The following EHHADH variants were observed in gnomAD, a reference collection of about 807,000 sequenced individuals.
The protein encoded by EHHADH is enoyl-CoA hydratase and 3-hydroxyacyl CoA dehydrogenase.
EHHADH carries 48 observed loss-of-function variants against 64.4 expected under a neutral mutation model. The ratio of observed to expected loss-of-function variants is 0.75; its 90% CI spans 0.59 to 0.95. The LOEUF (loss-of-function observed/expected upper bound fraction) is 0.95, where lower values mean the gene tolerates loss of function less well. Ranked by LOEUF, EHHADH falls within the 40% of genes least tolerant of loss-of-function variation. The pLI is 0.00. For synonymous variants in EHHADH, 308 were observed against 326.7 expected (o/e 0.94, Z 0.62); for missense variants, 854 against 876.6 (o/e 0.97, Z 0.33).
At chr3:185,252,002 A>G (rs905475820) in intron 1 of EHHADH, among the ~76,000 whole-genome samples, 1 of 152,178 alleles carries the variant, frequency 6.6e-6, no homozygotes, top group African/African-American at 2.4e-5. Flanking sequence ...AAACTTCACA[A>G]CTTTATGAGG....
rs73050896 is a variant in EHHADH at position 185,216,205 on chromosome 3, T to C, written c.568+1931A>G. Among the ~76,000 whole-genome samples, 463 of 152,310 alleles carry C rather than the reference T, an allele frequency of 3.0e-3. 2 individuals are homozygous for C. The highest frequency in any genetic ancestry group is 0.011 in the African/African-American group (441 of 41,564). ...AGTTATAACCAGACCATTTTAGAAA[T>C]GTAGCTAAGGTTGAGACCTGGATCC... is the stretch of plus-strand genomic sequence containing the variant. On this transcript the variant is annotated intron_variant, in intron 5 of 6. Coordinates refer to ENST00000231887, the MANE Select transcript of EHHADH (RefSeq NM_001966.4). The surrounding 1 kb of genome is among the most constrained non-coding windows in gnomAD (Gnocchi z 5.3).
chr3:185,192,462 T>C lies in EHHADH; in HGVS notation c.1936A>G (p.Ile646Val). The stretch of plus-strand genomic sequence containing the variant: ...TATCCATGTAAATAGACAACATCAA[T>C]GTGCTCTGGGCTAGCAGCTATCCCT... Reference protein sequence around the residue: ...GEGIAASPEHIDVVYLHGYGW... With the variant: ...GEGIAASPEHVDVVYLHGYGW... Residue 646 changes from isoleucine to valine, a missense_variant, in exon 7 of 7, where the codon ATT becomes GTT. Physicochemically the swap from Ile to Val is conservative, Grantham distance 29. Coordinates refer to ENST00000231887, the MANE Select transcript of EHHADH (RefSeq NM_001966.4). The C allele has an allele frequency of 6.2e-7, 1 of 1,614,246 alleles. No homozygotes were observed. The highest frequency in any genetic ancestry group is 1.7e-5 in the Admixed American group (1 of 60,032).
chr3:185,253,953 T>C lies in EHHADH; in HGVS notation c.70A>G (p.Ile24Val), dbSNP rs1224911169. The change falls in exon 1 of 7, where the codon ATC becomes GTC. Residue 24 changes from isoleucine (I) to valine (V), a missense_variant. Physicochemically the swap from Ile to Val is conservative, Grantham distance 29 (BLOSUM62 3). Transcript: ENST00000231887. The stretch of plus-strand genomic sequence containing the variant: ...GGAGGCGACCGAGCCCGTTACCTGA[T>C]CGCGTTGACCGGCGGGTTTCGGAGG... ...IRLRNPPVNA[I>V]STTLLRDIKE... is the part of the protein sequence containing the mutation. The C allele has an allele frequency of 6.2e-7, 1 of 1,614,052 alleles. No individual in the cohort carries two copies. Among genetic ancestry groups the C allele is most frequent in the Non-Finnish European group, 8.5e-7 (1 of 1,179,958 alleles).
intron 2 of EHHADH, chr3:185,245,560 T>C: frequency 1.1e-6 from 1 of 892,328 alleles, no homozygotes. Flanking sequence ...AGTTTCACAC[T>C]GTAGGAAATA....
chr3:185,253,971 T>G lies in EHHADH; in HGVS notation c.52A>C (p.Asn18His), dbSNP rs1270751878. ...TACCTGATCGCGTTGACCGGCGGGT[T>G]TCGGAGGCGGATTAGCGCCAAGGCG... is the stretch of plus-strand genomic sequence containing the variant. ...HNALALIRLRNPPVNAISTTL... is the reference protein window; with the variant it reads ...HNALALIRLRHPPVNAISTTL... Residue 18 changes from asparagine (N) to histidine (H), a missense_variant, in exon 1 of 7, where the codon AAC becomes CAC. Physicochemically the swap from Asn to His is moderately conservative, Grantham distance 68 (BLOSUM62 1). Coordinates refer to ENST00000231887, the MANE Select transcript of EHHADH (RefSeq NM_001966.4). 2.5e-6 allele frequency: 4 copies of G among 1,613,726 alleles called. No homozygotes were observed. The highest frequency in any genetic ancestry group is 3.4e-6 in the Non-Finnish European group (4 of 1,179,910).
intron 6 of EHHADH, among the ~76,000 whole-genome samples, chr3:185,198,547 G>T (rs1423655310): frequency 6.6e-6 from 1 of 151,550 alleles, no homozygotes; most frequent in Admixed American, 6.6e-5. Flanking sequence ...ACATTGAATC[G>T]CTTTTAAAGG....
chr3:185,235,001 G>A (rs1162371868), intron 3 of EHHADH, among the ~76,000 whole-genome samples: 1 of 152,024 alleles, frequency 6.6e-6, no homozygotes, highest in African/African-American at 2.4e-5. Context: ...GGCCAACATG[G>A]TGAAACCCCG....
At chr3:185,214,017 GAATA>G (rs1718619778) in intron 5 of EHHADH, among the ~76,000 whole-genome samples, 1 of 152,076 alleles carries the variant, frequency 6.6e-6, no homozygotes, top group South Asian at 2.1e-4. Flanking sequence ...TTTGGTAAGA[GAATA>G]AATGGCAAAT....
intron 3 of EHHADH, among the ~76,000 whole-genome samples, chr3:185,233,113 T>G (rs184936005): frequency 6.6e-6 from 1 of 152,334 alleles, no homozygotes; most frequent in Admixed American, 6.5e-5. Context: ...TTCCTCTTTT[T>G]CTTATCTGAT....
Position 185,192,886 on chromosome 3 carries a change from C to T in EHHADH, c.1512G>A (p.Glu504=). The T allele has an allele frequency of 6.2e-7, 1 of 1,614,196 alleles. No individual in the cohort carries two copies. ...FLLEEGSKPE[E]VDQVLEEFGF... ...CAAACTCTTCCAGCACCTGATCTAC[C>T]TCCTCTGGTTTGCTGCCTTCTTCTA... Residue 504 remains glutamate, a synonymous_variant, in exon 7 of 7, where the codon GAG becomes GAA. Transcript: ENST00000231887.
chr3:185,203,513 C>G lies in EHHADH; in HGVS notation c.910+903G>C, dbSNP rs566566868. 1.4e-4 allele frequency among the ~76,000 whole-genome samples: 21 copies of G among 152,230 alleles called. No individual in the cohort carries two copies. In the East Asian group the frequency reaches 3.7e-3, roughly 27 times the overall value. ...AAGGGATTTAAAATCCACCAAAGAC[C>G]GTTCTTGAGCCGAGACTAAGAGCAA... is the stretch of plus-strand genomic sequence containing the variant. On this transcript the variant is annotated intron_variant, in intron 6 of 6. Coordinates refer to ENST00000231887, the MANE Select transcript of EHHADH (RefSeq NM_001966.4).
chr3:185,242,823 C>A (rs1381580150), intron 2 of EHHADH, among the ~76,000 whole-genome samples: 1 of 152,206 alleles, frequency 6.6e-6, no homozygotes, highest in Non-Finnish European at 1.5e-5. Flanking sequence ...TTAGTTCTTC[C>A]CCTGCCTGTG....
At position 185,231,695 on chromosome 3, in the gene EHHADH, C is replaced by T. The variant is rs139782712; in HGVS notation, c.352-2152G>A. On this transcript the variant is annotated intron_variant, in intron 3 of 6. Coordinates refer to ENST00000231887, the MANE Select transcript of EHHADH (RefSeq NM_001966.4). ...CATGCTAAACAAAAAAAGCCAGTCA[C>T]AGGAGACCACATATTGTATGATTCT... 3.4e-3 allele frequency among the ~76,000 whole-genome samples: 517 copies of T among 150,842 alleles called. 5 individuals carry two copies. The highest frequency in any genetic ancestry group is 0.012 in the African/African-American group (488 of 40,954).
chr3:185,221,718 C>A (rs1718839946), intron 4 of EHHADH, among the ~76,000 whole-genome samples: 1 of 151,430 alleles, frequency 6.6e-6, no homozygotes, highest in African/African-American at 2.4e-5. Flanking sequence ...TACTACAGGC[C>A]CATGCCACCA....
At chr3:185,199,182 G>C (rs1256593533) in intron 6 of EHHADH, among the ~76,000 whole-genome samples, 1 of 152,162 alleles carries the variant, frequency 6.6e-6, no homozygotes, top group African/African-American at 2.4e-5. Flanking sequence ...GAACCATCCA[G>C]GTCGAGGAAG....
chr3:185,223,952 C>T (rs1026715879), intron 4 of EHHADH, among the ~76,000 whole-genome samples: 10 of 152,140 alleles, frequency 6.6e-5, no homozygotes, highest in East Asian at 1.9e-4. Context: ...GCTAAAGATT[C>T]GTTCATTTTC....
chr3:185,246,439 T>A, intron 2 of EHHADH: 1 of 491,120 alleles, frequency 2.0e-6, no homozygotes, highest in Non-Finnish European at 3.3e-6. Flanking sequence ...CATCTCCAGA[T>A]ATGGATGCGA....
At chr3:185,232,572 C>T (rs1719165591) in intron 3 of EHHADH, among the ~76,000 whole-genome samples, 1 of 152,158 alleles carries the variant, frequency 6.6e-6, no homozygotes, top group East Asian at 1.9e-4. Flanking sequence ...CCTCAGCCTC[C>T]CAAGTAGCTG....
chr3:185,218,162 G>C lies in EHHADH; in HGVS notation c.542C>G (p.Ala181Gly). The C allele has an allele frequency of 6.2e-7, 1 of 1,606,016 alleles. No homozygotes were observed. Among genetic ancestry groups the C allele is most frequent in the Non-Finnish European group, 8.5e-7 (1 of 1,176,794 alleles). The change falls in exon 5 of 7, where the codon GCA becomes GGA. Residue 181 changes from alanine (A) to glycine (G), a missense_variant. Physicochemically the swap from Ala to Gly is moderately conservative, Grantham distance 60 (BLOSUM62 0). Transcript: ENST00000231887. The stretch of plus-strand genomic sequence containing the variant: ...TGAAACTCTCTGAGCAAATCTGATT[G>C]CTTCTTCAACCGGGTCTGAGTTTAC... ...KVVNSDPVEE[A>G]IRFAQRVSDQ...
Sources: gnomAD v4.1 joint callset for allele counts (sites outside exome capture counted in the v4.1 genomes callset) on GRCh38, gnomAD v4.1.1 for gene constraint, Gnocchi (gnomAD v3.1) non-coding constraint, MANE v1.5 for transcripts, NCBI Gene and HGNC (gene_info 2026-07-23, HGNC 2026-07-21) for gene names.